Variants in WDR70 observed in about 807,000 individuals in gnomAD.
The protein encoded by WDR70 is WD repeat-containing protein 70.
In WDR70, 53 loss-of-function variants were observed where a neutral mutation model predicts 88.6. The observed-to-expected ratio is 0.60, with a 90% confidence interval of 0.48 to 0.75. The LOEUF (loss-of-function observed/expected upper bound fraction) is 0.75, where lower values mean the gene tolerates loss of function less well. Among genes scored for constraint, WDR70 ranks in the 30% least tolerant of loss-of-function variants. The probability of loss-of-function intolerance (pLI) is 0.00; values close to 1 mark genes in which losing one functional copy is unlikely to be tolerated. For synonymous variants in WDR70, 280 were observed against 270.0 expected (o/e 1.04, Z -0.36); for missense variants, 610 against 823.2 (o/e 0.74, Z 3.17).
At chr5:37,539,840 G>A (rs1441654388) in intron 9 of WDR70, among the ~76,000 whole-genome samples, 1 of 152,148 alleles carries the variant, frequency 6.6e-6, no homozygotes, top group African/African-American at 2.4e-5. Flanking sequence ...GGAATAATAG[G>A]CATCTAGAAT....
chr5:37,636,597 A>G (rs1281677489), intron 10 of WDR70, among the ~76,000 whole-genome samples: 1 of 152,216 alleles, frequency 6.6e-6, no homozygotes, highest in Non-Finnish European at 1.5e-5. Flanking sequence ...AATAAGACAT[A>G]TTGACATCAT....
intron 9 of WDR70, among the ~76,000 whole-genome samples, chr5:37,580,447 A>G (rs1451806409): frequency 2.0e-5 from 3 of 152,194 alleles, no homozygotes; most frequent in African/African-American, 7.2e-5. Flanking sequence ...AAAGATGGAA[A>G]CTTTGTTTTT....
At chr5:37,742,263 G>GT (rs549421990) in intron 17 of WDR70, among the ~76,000 whole-genome samples, 2,177 of 123,606 alleles carry the variant, frequency 0.018, 17 homozygotes, top group African/African-American at 0.032. Flanking sequence ...ATTATCTGTT[G>GT]TTTTTTTTTT....
chr5:37,471,294 T>G (rs934784575), intron 7 of WDR70, among the ~76,000 whole-genome samples: 15 of 150,758 alleles, frequency 9.9e-5, no homozygotes, highest in African/African-American at 3.7e-4. Flanking sequence ...TGTCAACCTT[T>G]TAAATTTTAG....
At chr5:37,683,711 C>T (rs889042330) in intron 10 of WDR70, among the ~76,000 whole-genome samples, 1 of 152,200 alleles carries the variant, frequency 6.6e-6, no homozygotes, top group Non-Finnish European at 1.5e-5. Flanking sequence ...GAGAGGTCCA[C>T]TCTTAGTTTA....
At chr5:37,690,108 A>G (rs1232702191) in intron 10 of WDR70, among the ~76,000 whole-genome samples, 1 of 152,210 alleles carries the variant, frequency 6.6e-6, no homozygotes, top group East Asian at 1.9e-4. Context: ...AAGAAAGGGT[A>G]TCAGTGATAG....
At chr5:37,515,461 G>A (rs755441372) in intron 8 of WDR70, among the ~76,000 whole-genome samples, 13 of 152,186 alleles carry the variant, frequency 8.5e-5, no homozygotes, top group Non-Finnish European at 1.3e-4. Context: ...CAGACTTGCC[G>A]TCTAGTCCTT....
intron 9 of WDR70, among the ~76,000 whole-genome samples, chr5:37,547,749 A>T (rs1382108589): frequency 6.6e-6 from 1 of 151,966 alleles, no homozygotes; most frequent in Non-Finnish European, 1.5e-5. Flanking sequence ...TTATTCATTC[A>T]ATTTTTTTGG....
At position 37,591,905 on chromosome 5, in the gene WDR70, A is replaced by T. The variant is rs536140822; in HGVS notation, c.918-13159A>T. ...GAAAATCAGACAATATAATGCACAGACTTAAAAAAGAGAAAAGGTATATCA... is the reference window on the plus strand; with the variant it reads ...GAAAATCAGACAATATAATGCACAGTCTTAAAAAAGAGAAAAGGTATATCA... On this transcript the variant is annotated intron_variant, in intron 9 of 17. Transcript: ENST00000265107. Among the ~76,000 whole-genome samples the T allele has an allele frequency of 2.0e-5, 3 of 152,370 alleles. No homozygotes were observed. The East Asian group carries it at 5.8e-4, about 29-fold the overall frequency.
intron 9 of WDR70, among the ~76,000 whole-genome samples, chr5:37,544,002 C>T (rs1276699548): frequency 6.6e-6 from 1 of 152,122 alleles, no homozygotes; most frequent in East Asian, 1.9e-4. Flanking sequence ...GAACTCCTGA[C>T]GTCAAGGGAT....
chr5:37,668,962 TA>T (rs1745943136), intron 10 of WDR70, among the ~76,000 whole-genome samples: 1 of 152,212 alleles, frequency 6.6e-6, no homozygotes. Context: ...ACCCTGGTTG[TA>T]AATGCACACT....
At chr5:37,730,128 C>T (rs1344721495) in intron 17 of WDR70, among the ~76,000 whole-genome samples, 1 of 152,006 alleles carries the variant, frequency 6.6e-6, no homozygotes, top group Non-Finnish European at 1.5e-5. Flanking sequence ...TAAAATGTCA[C>T]CGTTTTTAAT....
chr5:37,593,244 G>T (rs1285382006), intron 9 of WDR70, among the ~76,000 whole-genome samples: 2 of 152,138 alleles, frequency 1.3e-5, no homozygotes, highest in Non-Finnish European at 2.9e-5. Context: ...TGCCATGTTG[G>T]TTTTCTGCAC....
At chr5:37,638,229 T>C (rs1247370520) in intron 10 of WDR70, among the ~76,000 whole-genome samples, 1 of 152,218 alleles carries the variant, frequency 6.6e-6, no homozygotes, top group African/African-American at 2.4e-5. Flanking sequence ...GAATTTATGT[T>C]GTAAGAGTTA....
At chr5:37,714,585 C>CAT (rs1431321973) in intron 13 of WDR70, among the ~76,000 whole-genome samples, 1 of 152,254 alleles carries the variant, frequency 6.6e-6, no homozygotes, top group East Asian at 1.9e-4. Flanking sequence ...ATACACCTAC[C>CAT]ATATCTTGGT....
intron 7 of WDR70, among the ~76,000 whole-genome samples, chr5:37,459,129 G>A (rs1402542223): frequency 4.9e-4 from 28 of 57,054 alleles, no homozygotes; most frequent in African/African-American, 1.7e-3. Flanking sequence ...CCATGTAGTT[G>A]AGCGGCTTTG....
At position 37,415,414 on chromosome 5, in the gene WDR70, A is replaced by AC. The variant is rs548672023; in HGVS notation, c.492+18851dup. Reference sequence around the variant, plus strand: ...GGGCGGCTGGCCGGGCGGGGGGCTGACCCCCCCACCTCCCTCCCGGACGGG... The same window carrying AC: ...GGGCGGCTGGCCGGGCGGGGGGCTGACCCCCCCCACCTCCCTCCCGGACGGG... On this transcript the variant is annotated intron_variant, in intron 5 of 17. Transcript: ENST00000265107. Among the ~76,000 whole-genome samples the AC allele has an allele frequency of 2.8e-4, 18 of 63,788 alleles. 1 individual carries two copies. Among genetic ancestry groups the AC allele is most frequent in the East Asian group, 4.6e-4 (1 of 2,184 alleles). 41.8% of individuals were successfully genotyped at this position (63,788 alleles called of 152,430 possible).
At chr5:37,497,966 C>T (rs1019839758) in intron 8 of WDR70, among the ~76,000 whole-genome samples, 1 of 152,028 alleles carries the variant, frequency 6.6e-6, no homozygotes, top group African/African-American at 2.4e-5. Flanking sequence ...GGATTATAAG[C>T]GTGCTCCACT....
intron 5 of WDR70, among the ~76,000 whole-genome samples, chr5:37,419,846 G>T (rs1381019132): frequency 6.6e-6 from 1 of 151,594 alleles, no homozygotes; most frequent in Non-Finnish European, 1.5e-5. Context: ...TATATTTTTC[G>T]CTTTGTTTGT....
Sources: allele counts gnomAD v4.1 joint callset (sites outside exome capture counted in the v4.1 genomes callset), GRCh38; gene constraint gnomAD v4.1.1; transcripts MANE v1.5; gene names NCBI Gene and HGNC (gene_info 2026-07-23, HGNC 2026-07-21).